AASS: variants seen among roughly 807,000 people sequenced by gnomAD.
AASS encodes alpha-aminoadipic semialdehyde synthase, mitochondrial.
A neutral mutation model predicts 105.4 loss-of-function variants in AASS; 86 were observed. The ratio of observed to expected loss-of-function variants is 0.82; its 90% CI spans 0.69 to 0.98. AASS has a LOEUF of 0.98. Among genes scored for constraint, AASS ranks in the 50% least tolerant of loss-of-function variants. AASS has a pLI of 0.00. For missense variants in AASS, 1,048 were observed against 1,143.2 expected, an observed-to-expected ratio of 0.92 and a Z score of 1.20; for synonymous variants, 381 against 394.8, an observed-to-expected ratio of 0.96 and a Z score of 0.41.
chr7:122,121,425 C>G (rs1419495622), intron 4 of AASS, among the ~76,000 whole-genome samples: 2 of 152,090 alleles, frequency 1.3e-5, no homozygotes, highest in Admixed American at 6.5e-5. Context: ...ACAGTTAACT[C>G]ACTTTGTCAC....
intron 18 of AASS, among the ~76,000 whole-genome samples, chr7:122,089,119 C>T (rs915354322): frequency 1.3e-5 from 2 of 151,936 alleles, no homozygotes; most frequent in South Asian, 2.1e-4. Flanking sequence ...ACTTAAGACC[C>T]GCTCCACAGT....
intron 11 of AASS, among the ~76,000 whole-genome samples, chr7:122,104,280 G>A (rs897525147): frequency 3.0e-5 from 4 of 133,428 alleles, no homozygotes; most frequent in African/African-American, 1.3e-4. Flanking sequence ...TATACACCAT[G>A]GAATACTATG....
intron 4 of AASS, among the ~76,000 whole-genome samples, chr7:122,119,638 C>A (rs982268959): frequency 2.6e-5 from 4 of 152,078 alleles, no homozygotes; most frequent in Admixed American, 2.6e-4. Flanking sequence ...AGTTTACATA[C>A]AACATAATGC....
chr7:122,130,919 T>C (rs965239920), intron 2 of AASS, among the ~76,000 whole-genome samples: 9 of 151,728 alleles, frequency 5.9e-5, no homozygotes, highest in Non-Finnish European at 4.4e-5. Flanking sequence ...GTTCAAGATA[T>C]GTTGTTACTA....
intron 2 of AASS, among the ~76,000 whole-genome samples, chr7:122,131,770 T>C (rs1024394102): frequency 3.3e-5 from 5 of 152,178 alleles, no homozygotes; most frequent in African/African-American, 1.2e-4. Context: ...ACAAGTCTTC[T>C]TGGTGAAATT....
At chr7:122,104,785 G>T (rs1794590900) in intron 11 of AASS, among the ~76,000 whole-genome samples, 1 of 152,056 alleles carries the variant, frequency 6.6e-6, no homozygotes, top group South Asian at 2.1e-4. Flanking sequence ...GAGGGTGGAG[G>T]ATGGGAGGAG....
intron 1 of AASS, among the ~76,000 whole-genome samples, chr7:122,142,631 T>C (rs1389576290): frequency 6.6e-6 from 1 of 152,194 alleles, no homozygotes; most frequent in Non-Finnish European, 1.5e-5. Flanking sequence ...CAGATGAATG[T>C]GGTAATAATG....
At chr7:122,142,562 T>A (rs184222455) in intron 1 of AASS, among the ~76,000 whole-genome samples, 127 of 152,344 alleles carry the variant, frequency 8.3e-4, no homozygotes, top group Non-Finnish European at 1.4e-3. Context: ...GACAATTTTT[T>A]TACACATTTT....
chr7:122,104,896 A>C (rs923100515), intron 11 of AASS, among the ~76,000 whole-genome samples: 5 of 152,068 alleles, frequency 3.3e-5, no homozygotes, highest in Non-Finnish European at 7.4e-5. Context: ...TACTCATGTA[A>C]TAAAACTGCA....
chr7:122,107,720 G>C (rs561585257), intron 11 of AASS, among the ~76,000 whole-genome samples: 9 of 152,010 alleles, frequency 5.9e-5, no homozygotes, highest in Admixed American at 2.6e-4. Flanking sequence ...GACACATAGA[G>C]GGGAACAACA....
chr7:122,099,024 T>C (rs112719696), intron 13 of AASS, among the ~76,000 whole-genome samples, 158 bp from the exon 14 acceptor site: 1 of 151,760 alleles, frequency 6.6e-6, no homozygotes, highest in African/African-American at 2.4e-5. Flanking sequence ...TCAACATGAA[T>C]GAGTTCCCTA....
intron 11 of AASS, among the ~76,000 whole-genome samples, 159 bp from the exon 12 acceptor site, chr7:122,101,839 T>C (rs1584847420): frequency 6.6e-6 from 1 of 152,064 alleles, no homozygotes; most frequent in Middle Eastern, 3.4e-3. Flanking sequence ...AGAAGTCTTC[T>C]ACAAGCAATC....
intron 1 of AASS, among the ~76,000 whole-genome samples, chr7:122,139,387 A>G (rs1584907959): frequency 1.3e-5 from 2 of 152,192 alleles, no homozygotes; most frequent in East Asian, 3.8e-4. Flanking sequence ...CTGATAGTGA[A>G]TTATTAATTA....
At chr7:122,129,277 G>C in intron 3 of AASS, 84 bp downstream of exon 3, 2 of 862,524 alleles carry the variant, frequency 2.3e-6, no homozygotes, top group Non-Finnish European at 3.3e-6. Flanking sequence ...AAGAAGAAAA[G>C]AAGACTAAAA....
intron 2 of AASS, among the ~76,000 whole-genome samples, chr7:122,132,157 C>T (rs762182503): frequency 6.6e-6 from 1 of 152,084 alleles, no homozygotes; most frequent in East Asian, 1.9e-4. Context: ...TATATAAACT[C>T]CTCATAACAA....
At chr7:122,136,033 T>C (rs1052673774) in intron 1 of AASS, among the ~76,000 whole-genome samples, 22 of 152,350 alleles carry the variant, frequency 1.4e-4, no homozygotes, top group African/African-American at 5.3e-4. Context: ...ATTTGAATGA[T>C]AAAACTTAGT....
At chr7:122,141,354 T>C (rs1434481656) in intron 1 of AASS, among the ~76,000 whole-genome samples, 1 of 152,182 alleles carries the variant, frequency 6.6e-6, no homozygotes, top group Non-Finnish European at 1.5e-5. Flanking sequence ...CTCTAGCTTA[T>C]AATTTTAGCT....
Position 122,103,662 on chromosome 7 carries a change from G to A in AASS, c.1279-1982C>T, listed in dbSNP as rs946894289. Among the ~76,000 whole-genome samples the A allele has an allele frequency of 5.6e-4, 85 of 151,906 alleles. 1 individual carries two copies. Among genetic ancestry groups the A allele is most frequent in the African/African-American group, 2.0e-3 (83 of 41,444 alleles). ...CAAAAATAATGATAGCTACAATAAA[G>A]TATTAAGAAATATGTAAGCTAAAAA... On this transcript the variant is annotated intron_variant, in intron 11 of 23. Transcript: ENST00000417368.
chr7:122,118,894 C>T (rs190861668), intron 4 of AASS, among the ~76,000 whole-genome samples: 26 of 152,294 alleles, frequency 1.7e-4, no homozygotes, highest in Admixed American at 7.2e-4. Flanking sequence ...AGGCTAATCT[C>T]TCCACCTTGG....
Sources: allele counts gnomAD v4.1 joint callset (sites outside exome capture counted in the v4.1 genomes callset), GRCh38; gene constraint gnomAD v4.1.1; transcripts MANE v1.5; gene names NCBI Gene and HGNC (gene_info 2026-07-23, HGNC 2026-07-21).